TNRC6C: variants seen among roughly 807,000 people sequenced by gnomAD.
TNRC6C encodes the protein trinucleotide repeat containing adaptor 6C.
A neutral mutation model predicts 153.7 loss-of-function variants in TNRC6C; 20 were observed. The ratio of observed to expected loss-of-function variants is 0.13; its 90% CI spans 0.09 to 0.19. The LOEUF is 0.19. Among genes scored for constraint, TNRC6C ranks in the 10% least tolerant of loss-of-function variants. TNRC6C has a pLI of 1.00. For missense variants in TNRC6C, 1,987 were observed against 2,172.0 expected, an observed-to-expected ratio of 0.91 and a Z score of 1.69; for synonymous variants, 811 against 841.4, an observed-to-expected ratio of 0.96 and a Z score of 0.63.
intron 1 of TNRC6C, among the ~76,000 whole-genome samples, chr17:77,994,164 G>C (rs1427444670): frequency 6.6e-6 from 1 of 152,178 alleles, no homozygotes; most frequent in African/African-American, 2.4e-5. Flanking sequence ...TTGCACTCCA[G>C]CCTGGGTGAC....
At position 78,104,746 on chromosome 17, in the gene TNRC6C, G is replaced by A; in HGVS notation, c.4974G>A (p.Leu1658=). Residue 1658 remains leucine, a synonymous_variant, in exon 20 of 20, where the codon CTG becomes CTA. Coordinates refer to ENST00000301624, the Ensembl canonical transcript of TNRC6C. This position sits in a 1 kb window ranked among gnomAD's most constrained non-coding sequence, Gnocchi z 6.2. ...GGGTGCCCCAGTACTCCAGCAGCCTGTGGGGCCCGCCCAGCGCCGACGACA... is the reference window on the plus strand; with the variant it reads ...GGGTGCCCCAGTACTCCAGCAGCCTATGGGGCCCGCCCAGCGCCGACGACA... 6.6e-7 allele frequency: 1 copy of A among 1,509,836 alleles called. No homozygotes were observed. The highest frequency in any genetic ancestry group is 1.2e-5 in the South Asian group (1 of 80,670). 93.5% of individuals were successfully genotyped at this position (1,509,836 alleles called of 1,614,324 possible).
intron 8 of TNRC6C, among the ~76,000 whole-genome samples, chr17:78,076,183 T>C (rs2144352484): frequency 6.7e-6 from 1 of 148,442 alleles, no homozygotes; most frequent in Non-Finnish European, 1.5e-5. Context: ...GCCATTGCAC[T>C]CCAGCCTGGA....
intron 16 of TNRC6C, among the ~76,000 whole-genome samples, chr17:78,097,542 G>C (rs2073509376): frequency 6.6e-6 from 1 of 152,172 alleles, no homozygotes; most frequent in East Asian, 1.9e-4. Context: ...CAACATCCCA[G>C]GCCTCCCTGA....
At chr17:78,052,300 T>C (rs2072553315) in intron 3 of TNRC6C, among the ~76,000 whole-genome samples, 1 of 152,114 alleles carries the variant, frequency 6.6e-6, no homozygotes. Flanking sequence ...AACAGAGAAC[T>C]GACTTGACTG....
chr17:78,012,300 T>C (rs1419087450), intron 1 of TNRC6C, among the ~76,000 whole-genome samples: 1 of 152,172 alleles, frequency 6.6e-6, no homozygotes. Flanking sequence ...ATCAGTTCCC[T>C]GTTCTCAAAG....
At chr17:77,959,099 C>A (rs559238585), upstream of TNRC6C, 4,138 of 146,480 alleles carry the variant, frequency 0.028, 167 homozygotes, top group African/African-American at 0.097. Context: ...CCGCCGCAGC[C>A]GCCGCCGCCG....
At chr17:77,961,198 C>T (rs1213042621) in intron 1 of TNRC6C, among the ~76,000 whole-genome samples, 1 of 151,466 alleles carries the variant, frequency 6.6e-6, no homozygotes, top group African/African-American at 2.4e-5. Flanking sequence ...TCTTGTTGCC[C>T]AGGCTGGAGT....
At chr17:78,088,187 G>C (rs2073330865) in intron 13 of TNRC6C, among the ~76,000 whole-genome samples, 1 of 151,990 alleles carries the variant, frequency 6.6e-6, no homozygotes, top group South Asian at 2.1e-4. Context: ...TATAAATGTG[G>C]TATATCTTTA....
chr17:78,071,265 A>C, intron 6 of TNRC6C, 100 bp downstream of exon 8: 1 of 1,200,446 alleles, frequency 8.3e-7, no homozygotes, highest in Non-Finnish European at 1.2e-6. Context: ...AGAAGACACC[A>C]AGATTGTTTG....
chr17:78,099,811 C>G (rs900144803), intron 17 of TNRC6C, among the ~76,000 whole-genome samples: 12 of 152,190 alleles, frequency 7.9e-5, no homozygotes, highest in Non-Finnish European at 8.8e-5. Context: ...GTCCACAGTC[C>G]AAAGTCTCAT....
intron 8 of TNRC6C, among the ~76,000 whole-genome samples, chr17:78,076,955 C>T (rs934525227): frequency 4.6e-5 from 7 of 152,210 alleles, no homozygotes; most frequent in African/African-American, 1.7e-4. Flanking sequence ...ATAGTAGCAG[C>T]TAATATATGT....
intron 1 of TNRC6C, among the ~76,000 whole-genome samples, chr17:78,006,219 T>C (rs2071492541): frequency 6.6e-6 from 1 of 152,210 alleles, no homozygotes; most frequent in African/African-American, 2.4e-5. Flanking sequence ...AGTCCAGGTC[T>C]CTGAACCTCT....
intron 8 of TNRC6C, among the ~76,000 whole-genome samples, chr17:78,076,215 CAA>C (rs1171743430): frequency 9.6e-6 from 1 of 103,628 alleles, no homozygotes; most frequent in Admixed American, 1.0e-4. Context: ...TACTCTGTCT[CAA>C]AAAAAAAAAG....
At chr17:77,976,064 A>G (rs976644160) in intron 1 of TNRC6C, among the ~76,000 whole-genome samples, 5 of 152,198 alleles carry the variant, frequency 3.3e-5, no homozygotes, top group African/African-American at 1.2e-4. Flanking sequence ...GAAGAAATGA[A>G]TAATAATATA....
chr17:78,108,435 G>A (rs1046100339), exon 20 of TNRC6C: 3 of 154,846 alleles, frequency 1.9e-5, no homozygotes, highest in Admixed American at 6.5e-5. Flanking sequence ...TCAGCTCTGC[G>A]CGGCCGAGCC....
Position 78,051,980 on chromosome 17 carries a change from T to G in TNRC6C, c.2395+523T>G, listed in dbSNP as rs539449855. Among the ~76,000 whole-genome samples, 6 of 152,060 alleles carry G rather than the reference T, an allele frequency of 3.9e-5. No homozygotes were observed. The South Asian group carries it at 1.2e-3, about 32-fold the overall frequency. On this transcript the variant is annotated intron_variant, in intron 3 of 19. Transcript: ENST00000301624. ...AGGGGCAAGGTCCAGAGTAGAGAGATTTTAAGGTGGCAAAGTCGTGAGCAT... is the reference window on the plus strand; with the variant it reads ...AGGGGCAAGGTCCAGAGTAGAGAGAGTTTAAGGTGGCAAAGTCGTGAGCAT...
intron 2 of TNRC6C, among the ~76,000 whole-genome samples, chr17:78,039,430 C>T (rs1441839654): frequency 1.3e-5 from 2 of 151,290 alleles, no homozygotes; most frequent in African/African-American, 2.4e-5. Flanking sequence ...GGTTTTGTAG[C>T]GTTATTGATG....
At position 78,093,133 on chromosome 17, in the gene TNRC6C, A is replaced by G. The variant is rs758701446; in HGVS notation, c.4162+9A>G. On this transcript the variant is annotated intron_variant, in intron 15 of 19. Coordinates refer to ENST00000301624, the Ensembl canonical transcript of TNRC6C. ...CATCAACTGGCCCCCAGGTAAGACC[A>G]TGCAACACTTCTGTGCAACAGCAGC... 9 of 1,611,668 alleles carry G rather than the reference A, an allele frequency of 5.6e-6. No homozygotes were observed. The African/African-American group carries it at 1.1e-4, about 19-fold the overall frequency.
At chr17:77,968,444 C>A (rs546543450) in intron 1 of TNRC6C, among the ~76,000 whole-genome samples, 1 of 152,030 alleles carries the variant, frequency 6.6e-6, no homozygotes, top group Non-Finnish European at 1.5e-5. Context: ...CGGGTTCAAG[C>A]GACTCTTCTG....
Sources: allele counts gnomAD v4.1 joint callset (sites outside exome capture counted in the v4.1 genomes callset), GRCh38; gene constraint gnomAD v4.1.1; non-coding constraint Gnocchi (gnomAD v3.1); transcripts MANE v1.5; gene names NCBI Gene and HGNC (gene_info 2026-07-23, HGNC 2026-07-21).